The following FDFT1 variants were observed in gnomAD, a reference collection of about 807,000 sequenced individuals.
The protein encoded by FDFT1 is farnesyl-diphosphate farnesyltransferase 1.
A neutral mutation model predicts 46.8 loss-of-function variants in FDFT1; 68 were observed. The ratio of observed to expected loss-of-function variants is 1.45; its 90% CI spans 1.19 to 1.78. The LOEUF (loss-of-function observed/expected upper bound fraction) is 1.78. FDFT1 is among the 40% of genes most tolerant of loss of function. The pLI, the probability that FDFT1 is intolerant of heterozygous loss-of-function variation, is 0.00. For synonymous variants in FDFT1, 351 were observed against 185.1 expected, an observed-to-expected ratio of 1.90 and a Z score of -7.28; for missense variants, 928 against 524.4, an observed-to-expected ratio of 1.77 and a Z score of -7.52.
chr8:11,809,535 G>A (rs147539608), intron 2 of FDFT1, 132 bp from the exon 3 acceptor site: 28 of 1,297,732 alleles, frequency 2.2e-5, no homozygotes, highest in Non-Finnish European at 2.8e-5. Context: ...TATGAAAAGC[G>A]TTGGATATCC....
In FDFT1 at chr8:11,808,524, G is replaced by C. The variant is rs979254882; in HGVS notation, c.100-270G>C. The C allele has an allele frequency of 1.2e-5, 16 of 1,329,214 alleles. No homozygotes were observed. The African/African-American group carries it at 2.3e-4, about 19-fold the overall frequency. The allele number at this position is 1,329,214 out of a possible 1,614,324, so 82.3% of individuals were successfully genotyped here. A position where few individuals can be genotyped will look rare whatever the true frequency, so the allele number is the denominator to read the frequency against. ...CGCGGGGTCCGCGATTCCCATGGCC[G>C]CAGCCGCCTGCGGCACCAAGGCCAT... On this transcript the variant is annotated intron_variant, in intron 1 of 7. Transcript: ENST00000220584.
At chr8:11,806,034 C>T (rs537750032) in intron 1 of FDFT1, among the ~76,000 whole-genome samples, 4 of 152,164 alleles carry the variant, frequency 2.6e-5, no homozygotes, top group South Asian at 4.1e-4. Context: ...TTTTTTTCCC[C>T]TCCTGGAGAA....
At position 11,826,048 on chromosome 8, in the gene FDFT1, G is replaced by C. The variant is rs1266841685; in HGVS notation, c.535G>C (p.Val179Leu). The C allele has an allele frequency of 6.3e-7, 1 of 1,598,292 alleles. No homozygotes were observed. Among genetic ancestry groups the C allele is most frequent in the Non-Finnish European group, 8.6e-7 (1 of 1,168,562 alleles). Residue 179 changes from valine (V) to leucine (L), a missense_variant, in exon 5 of 8, where the codon GTC (valine) becomes CTC (leucine). Transcript: ENST00000220584. ...DKYCHYVAGL[V>L]GIGLSRLFSA... ...GTACTGCCACTATGTTGCTGGGCTG[G>C]TCGGAATTGGCCTTTCCCGTCTTTT...
intron 1 of FDFT1, chr8:11,807,991 G>C (rs1408504370): frequency 6.6e-6 from 1 of 152,574 alleles, no homozygotes; most frequent in Non-Finnish European, 1.5e-5. Flanking sequence ...ATTATTACGA[G>C]GAAACACAGG....
chr8:11,812,156 A>AG lies in FDFT1; in HGVS notation c.381+2309dup, dbSNP rs1252662723. ...AGGCCCCCTCACTCCCAAAGGGGTG[A>AG]GGGATCACTGGGGCCATGGGAATGT... On this transcript the variant is annotated intron_variant, in intron 3 of 7. Coordinates refer to ENST00000220584, the MANE Select transcript of FDFT1 (RefSeq NM_004462.5). Among the ~76,000 whole-genome samples the AG allele has an allele frequency of 3.3e-5, 5 of 152,272 alleles. No individual in the cohort carries two copies. In the East Asian group the frequency reaches 9.7e-4, roughly 29 times the overall value.
rs1004954610 is a variant in FDFT1 at position 11,828,403 on chromosome 8, T to C, written c.703-1841T>C. 4.6e-5 allele frequency among the ~76,000 whole-genome samples: 7 copies of C among 152,362 alleles called. 1 individual carries two copies. Among genetic ancestry groups the C allele is most frequent in the Admixed American group, 2.6e-4 (4 of 15,308 alleles). On this transcript the variant is annotated intron_variant, in intron 5 of 7. Coordinates refer to ENST00000220584, the MANE Select transcript of FDFT1 (RefSeq NM_004462.5). ...AGCCAGGGTTGAGAAACCACTCTTG[T>C]CTTACCCCTCTTTTGCAGACACAGG...
chr8:11,836,793 T>C (rs764110931), intron 7 of FDFT1, among the ~76,000 whole-genome samples: 1 of 152,244 alleles, frequency 6.6e-6, no homozygotes, highest in African/African-American at 2.4e-5. Context: ...CCCAGCCCTT[T>C]GGGAGGCCGA....
rs753254610 is a variant in FDFT1 at position 11,802,905 on chromosome 8, C to T, written c.73C>T (p.Arg25Trp). 9 of 1,610,788 alleles carry T rather than the reference C, an allele frequency of 5.6e-6. No homozygotes were observed. Among genetic ancestry groups the T allele is most frequent in the Middle Eastern group, 1.7e-4 (1 of 6,040 alleles). ...GGTGCGCTTCCGGATCGGGGGCAAG[C>T]GGAAGGTGATGCCCAAGATGGACCA... ...NLVRFRIGGK[R>W]KVMPKMDQDS... The change falls in exon 1 of 8, where the codon CGG becomes TGG. Residue 25 changes from arginine (R) to tryptophan (W), a missense_variant. Transcript: ENST00000220584.
chr8:11,802,099 C>G (rs28578421), upstream of FDFT1: 563 of 455,006 alleles, frequency 1.2e-3, 4 homozygotes, highest in African/African-American at 9.7e-3. Flanking sequence ...TAAGCTGGAT[C>G]TCAAGTAAAC....
At position 11,809,858 on chromosome 8, in the gene FDFT1, G is replaced by C. The variant is rs575313773; in HGVS notation, c.381+8G>C. 1 of 1,607,542 alleles carries C rather than the reference G, an allele frequency of 6.2e-7. No individual in the cohort carries two copies. Among genetic ancestry groups the C allele is most frequent in the Admixed American group, 1.7e-5 (1 of 59,650 alleles). The stretch of plus-strand genomic sequence containing the variant: ...CTGGAGGACTTCCCAACGGTGAGTG[G>C]GGTTACGCATCTTGTCTACGGACTG... On this transcript the variant is annotated splice_region_variant and intron_variant, in intron 3 of 7. Coordinates refer to ENST00000220584, the MANE Select transcript of FDFT1 (RefSeq NM_004462.5).
chr8:11,824,091 G>C (rs955961627), intron 4 of FDFT1, among the ~76,000 whole-genome samples: 4 of 152,088 alleles, frequency 2.6e-5, no homozygotes, highest in Non-Finnish European at 5.9e-5. Flanking sequence ...TAAAACTCTT[G>C]GGCTCAAGCA....
chr8:11,822,761 A>C (rs942149876), intron 4 of FDFT1, among the ~76,000 whole-genome samples: 1 of 152,204 alleles, frequency 6.6e-6, no homozygotes, highest in East Asian at 1.9e-4. Flanking sequence ...GGTTGCAGTG[A>C]GCCATGATTG....
rs554020002 is a variant in FDFT1 at position 11,815,203 on chromosome 8, C to CT, written c.381+5360dup. On this transcript the variant is annotated intron_variant, in intron 3 of 7. Coordinates refer to ENST00000220584, the MANE Select transcript of FDFT1 (RefSeq NM_004462.5). ...TCCCTGCAAAGGACATGAACTCATCCTTTTTTTATGGCTGTGTAGTATTCC... is the reference window on the plus strand; with the variant it reads ...TCCCTGCAAAGGACATGAACTCATCCTTTTTTTTATGGCTGTGTAGTATTCC... 2.7e-3 allele frequency among the ~76,000 whole-genome samples: 410 copies of CT among 152,154 alleles called. 3 individuals carry two copies. Among genetic ancestry groups the CT allele is most frequent in the African/African-American group, 9.4e-3 (390 of 41,502 alleles).
chr8:11,815,890 G>C lies in FDFT1; in HGVS notation c.382-5860G>C, dbSNP rs1454976577. 2.0e-5 allele frequency among the ~76,000 whole-genome samples: 3 copies of C among 152,066 alleles called. No homozygotes were observed. In the East Asian group the frequency reaches 5.8e-4, roughly 29 times the overall value. On this transcript the variant is annotated intron_variant, in intron 3 of 7. Transcript: ENST00000220584. ...AGTTGAATTAGATCCCATTTGTCTA[G>C]TTTGGCTTTTGTTGCCATTGCTTTT...
chr8:11,815,779 G>A (rs1454896192), intron 3 of FDFT1, among the ~76,000 whole-genome samples: 2 of 152,088 alleles, frequency 1.3e-5, no homozygotes, highest in Admixed American at 1.3e-4. Flanking sequence ...CCCTTTGTTG[G>A]ATGGATAAAT....
chr8:11,835,442 C>G (rs1811403701), intron 7 of FDFT1, among the ~76,000 whole-genome samples: 1 of 152,132 alleles, frequency 6.6e-6, no homozygotes, highest in African/African-American at 2.4e-5. Flanking sequence ...CATCAAAGGA[C>G]TCAAAAGTTT....
At chr8:11,797,654 A>AAG (rs1805698765), upstream of FDFT1, among the ~76,000 whole-genome samples, 1 of 151,546 alleles carries the variant, frequency 6.6e-6, no homozygotes, top group African/African-American at 2.4e-5. Context: ...AAAAAAAAAA[A>AAG]AAAAAAGAAA....
intron 1 of FDFT1, chr8:11,803,186 C>T (rs1806360922): frequency 7.1e-7 from 1 of 1,410,160 alleles, no homozygotes; most frequent in Non-Finnish European, 9.3e-7. Flanking sequence ...GGTGGTTGCG[C>T]TCCCCGTTTC....
At chr8:11,818,739 A>T (rs959350032) in intron 3 of FDFT1, among the ~76,000 whole-genome samples, 1 of 151,754 alleles carries the variant, frequency 6.6e-6, no homozygotes, top group Admixed American at 6.6e-5. Context: ...TTTTGAGCCT[A>T]TGTGCATCTC....
Sources: allele counts gnomAD v4.1 joint callset (sites outside exome capture counted in the v4.1 genomes callset), GRCh38; gene constraint gnomAD v4.1.1; transcripts MANE v1.5; gene names NCBI Gene and HGNC (gene_info 2026-07-23, HGNC 2026-07-21).